Variants in CDH4 observed in about 807,000 individuals in gnomAD.
CDH4 encodes the protein cadherin-4.
In CDH4, 33 loss-of-function variants were observed where a neutral mutation model predicts 86.0. The observed-to-expected ratio is 0.38, with a 90% CI of 0.29 to 0.51. The LOEUF is 0.51. Among genes scored for constraint, CDH4 ranks in the 20% least tolerant of loss-of-function variants. CDH4 has a pLI of 0.86. For synonymous variants in CDH4, 555 were observed against 549.4 expected, an observed-to-expected ratio of 1.01 and a Z score of -0.14; for missense variants, 1,114 against 1,307.4, an observed-to-expected ratio of 0.85 and a Z score of 2.28.
At chr20:61,724,820 A>G (rs974638132) in intron 2 of CDH4, among the ~76,000 whole-genome samples, 2 of 152,250 alleles carry the variant, frequency 1.3e-5, no homozygotes, top group African/African-American at 4.8e-5. Context: ...TAATTTAAAA[A>G]AGAGAGAGGG....
At chr20:61,828,213 G>C (rs946084485) in intron 4 of CDH4, among the ~76,000 whole-genome samples, 6 of 152,276 alleles carry the variant, frequency 3.9e-5, no homozygotes, top group South Asian at 2.1e-4. Flanking sequence ...ATAAAAGAGA[G>C]ACAGTGGCAA....
intron 2 of CDH4, among the ~76,000 whole-genome samples, chr20:61,383,763 GAA>G (rs2084933602): frequency 1.4e-5 from 1 of 69,262 alleles, no homozygotes; most frequent in Non-Finnish European, 2.6e-5. Context: ...GCATATATAT[GAA>G]GATATATATG....
At chr20:61,265,556 C>T (rs1002497441) in intron 2 of CDH4, among the ~76,000 whole-genome samples, 2 of 152,130 alleles carry the variant, frequency 1.3e-5, no homozygotes, top group African/African-American at 4.8e-5. Context: ...TCAGTGGCTC[C>T]TTCACTCAAT....
At chr20:61,327,793 A>C (rs1256926227) in intron 2 of CDH4, among the ~76,000 whole-genome samples, 1 of 152,178 alleles carries the variant, frequency 6.6e-6, no homozygotes, top group Non-Finnish European at 1.5e-5. Context: ...AGGGCTATTT[A>C]TAATAGGAAA....
chr20:61,523,169 G>A (rs2085885133), intron 2 of CDH4, among the ~76,000 whole-genome samples: 1 of 152,234 alleles, frequency 6.6e-6, no homozygotes, highest in South Asian at 2.1e-4. Flanking sequence ...AGGTGGGAAG[G>A]CGGCTCCATG....
intron 2 of CDH4, among the ~76,000 whole-genome samples, chr20:61,593,662 G>A (rs1260336183): frequency 6.6e-6 from 1 of 152,114 alleles, no homozygotes; most frequent in African/African-American, 2.4e-5. Flanking sequence ...ATTTTTTTAA[G>A]ACTTTTCACC....
chr20:61,604,830 C>T (rs772981681), intron 2 of CDH4, among the ~76,000 whole-genome samples: 11 of 152,034 alleles, frequency 7.2e-5, no homozygotes, highest in East Asian at 1.9e-4. Context: ...TTGCTATGGG[C>T]GTCACTTCAG....
chr20:61,402,429 C>T (rs1004045296), intron 2 of CDH4, among the ~76,000 whole-genome samples: 1 of 151,214 alleles, frequency 6.6e-6, no homozygotes, highest in Non-Finnish European at 1.5e-5. Context: ...GAGTCTCACT[C>T]TGTCACCCAG....
At chr20:61,652,243 C>CTATGG (rs1270255801) in intron 2 of CDH4, among the ~76,000 whole-genome samples, 2 of 152,226 alleles carry the variant, frequency 1.3e-5, no homozygotes, top group Non-Finnish European at 2.9e-5. Context: ...CCACGTGAAA[C>CTATGG]TATGGTGACA....
rs899372684 is a variant in CDH4 at position 61,674,921 on chromosome 20, G to A, written c.170-68642G>A. Among the ~76,000 whole-genome samples, 12 of 152,328 alleles carry A rather than the reference G, an allele frequency of 7.9e-5. 1 individual carries two copies. Among genetic ancestry groups the A allele is most frequent in the African/African-American group, 2.9e-4 (12 of 41,588 alleles). ...TTGGCACACAGCCATACCTATTCCTGTACGTATTGTCTGTGGCTGCCTTTG... is the reference window on the plus strand; with the variant it reads ...TTGGCACACAGCCATACCTATTCCTATACGTATTGTCTGTGGCTGCCTTTG... On this transcript the variant is annotated intron_variant, in intron 2 of 15. Transcript: ENST00000614565.
At chr20:61,253,798 C>T (rs1484412557) in intron 1 of CDH4, among the ~76,000 whole-genome samples, 1 of 152,082 alleles carries the variant, frequency 6.6e-6, no homozygotes, top group Non-Finnish European at 1.5e-5. Context: ...GGGCGGCCTC[C>T]GGAGTCGAAG....
At chr20:61,673,657 G>A (rs903964686) in intron 2 of CDH4, among the ~76,000 whole-genome samples, 6 of 152,254 alleles carry the variant, frequency 3.9e-5, no homozygotes, top group Non-Finnish European at 4.4e-5. Context: ...AGCCTGGCAG[G>A]CTGGGGAGGG....
chr20:61,382,093 AT>A (rs1470218946), intron 2 of CDH4, among the ~76,000 whole-genome samples: 17 of 91,130 alleles, frequency 1.9e-4, no homozygotes, highest in African/African-American at 9.4e-4. Flanking sequence ...AAAAATAAAA[AT>A]AATTAAAATA....
chr20:61,783,821 AATCCC>A (rs1978699108), intron 4 of CDH4, among the ~76,000 whole-genome samples: 2 of 80,908 alleles, frequency 2.5e-5, no homozygotes, highest in African/African-American at 9.8e-5. Flanking sequence ...AGAGAAATGT[AATCCC>A]AGTTCCTCGG....
At chr20:61,759,788 G>A (rs148561999) in intron 3 of CDH4, among the ~76,000 whole-genome samples, 45 of 152,264 alleles carry the variant, frequency 3.0e-4, no homozygotes, top group African/African-American at 1.0e-3. Flanking sequence ...GGCGAGACCC[G>A]AGACGCCTGT....
At position 61,542,229 on chromosome 20, in the gene CDH4, T is replaced by A. The variant is rs865776961; in HGVS notation, c.170-201334T>A. Among the ~76,000 whole-genome samples the A allele has an allele frequency of 1.5e-4, 23 of 152,276 alleles. No homozygotes were observed. In the Middle Eastern group the frequency reaches 0.014, roughly 90 times the overall value. On this transcript the variant is annotated intron_variant, in intron 2 of 15. Coordinates refer to ENST00000614565, the MANE Select transcript of CDH4 (RefSeq NM_001794.5). ...CCCATCCTGACTGATAGAGGCTGCTTCCGATTTTCTGTTGTTATAAACAGT... is the reference window on the plus strand; with the variant it reads ...CCCATCCTGACTGATAGAGGCTGCTACCGATTTTCTGTTGTTATAAACAGT...
chr20:61,632,833 C>T (rs959400840), intron 2 of CDH4, among the ~76,000 whole-genome samples: 1 of 112,506 alleles, frequency 8.9e-6, no homozygotes, highest in African/African-American at 3.6e-5. Context: ...TTCCTCTCCT[C>T]CTCTCCCCAC....
At chr20:61,289,158 G>A (rs1399123326) in intron 2 of CDH4, among the ~76,000 whole-genome samples, 3 of 152,202 alleles carry the variant, frequency 2.0e-5, no homozygotes. Context: ...AGAACGGGGT[G>A]CCCCACTGCA....
At chr20:61,428,978 G>A (rs1352771852) in intron 2 of CDH4, among the ~76,000 whole-genome samples, 1 of 151,352 alleles carries the variant, frequency 6.6e-6, no homozygotes, top group Admixed American at 6.6e-5. Context: ...TATTGTATTA[G>A]TTTGCCTTAG....
Sources: gnomAD v4.1 joint callset for allele counts (sites outside exome capture counted in the v4.1 genomes callset) on GRCh38, gnomAD v4.1.1 for gene constraint, MANE v1.5 for transcripts, NCBI Gene and HGNC (gene_info 2026-07-23, HGNC 2026-07-21) for gene names.